The following DDX4 variants were observed in gnomAD, a reference collection of about 807,000 sequenced individuals.
DDX4 encodes the protein DEAD-box helicase 4, also known as probable ATP-dependent RNA helicase DDX4.
DDX4 carries 25 observed loss-of-function variants against 100.0 expected under a neutral mutation model. The observed-to-expected ratio is 0.25, with a 90% CI of 0.18 to 0.35. The LOEUF (loss-of-function observed/expected upper bound fraction) is 0.35, where lower values mean the gene tolerates loss of function less well. DDX4 is among the 10% of genes least tolerant of loss of function. DDX4 has a pLI of 1.00. For synonymous variants in DDX4, 259 were observed against 275.7 expected, an observed-to-expected ratio of 0.94 and a Z score of 0.60; for missense variants, 635 against 882.4, an observed-to-expected ratio of 0.72 and a Z score of 3.55.
At chr5:55,740,912 T>G (rs1447891875) in intron 2 of DDX4, among the ~76,000 whole-genome samples, 1 of 152,252 alleles carries the variant, frequency 6.6e-6, no homozygotes, top group Non-Finnish European at 1.5e-5. Context: ...TGGTGTTAGC[T>G]TCTCACTGTG....
rs745321927 is a variant in DDX4, at chr5:55,746,232, TG to T, written c.127+14del. 1 of 1,605,742 alleles carries T rather than the reference TG, an allele frequency of 6.2e-7. No homozygotes were observed. Among genetic ancestry groups the T allele is most frequent in the South Asian group, 1.1e-5 (1 of 88,748 alleles). On this transcript the variant is annotated intron_variant, in intron 3 of 21. Transcript: ENST00000505374. ...CAGCTTCATCATCAGGTATGTGTTATGGGAAAAAGGTAAAACCCTTTTTAGT... is the reference window on the plus strand; with the variant it reads ...CAGCTTCATCATCAGGTATGTGTTATGGAAAAAGGTAAAACCCTTTTTAGT...
At chr5:55,807,531 G>C (rs189905726) in intron 18 of DDX4, among the ~76,000 whole-genome samples, 2 of 152,212 alleles carry the variant, frequency 1.3e-5, no homozygotes, top group South Asian at 2.1e-4. Flanking sequence ...GTGACAAAAT[G>C]TCTCAGCATT....
At chr5:55,794,551 T>G (rs1398524497) in intron 17 of DDX4, among the ~76,000 whole-genome samples, 2 of 152,118 alleles carry the variant, frequency 1.3e-5, no homozygotes, top group Non-Finnish European at 2.9e-5. Context: ...CACCATTTGC[T>G]TTGGTAACTA....
At chr5:55,810,422 T>A (rs193166056) in intron 18 of DDX4, among the ~76,000 whole-genome samples, 78 of 152,286 alleles carry the variant, frequency 5.1e-4, no homozygotes, top group African/African-American at 7.7e-4. Flanking sequence ...GGATTTTTTT[T>A]AATTAACTTT....
intron 3 of DDX4, among the ~76,000 whole-genome samples, chr5:55,748,714 A>C (rs998029647): frequency 2.0e-5 from 3 of 152,140 alleles, no homozygotes; most frequent in Admixed American, 6.5e-5. Flanking sequence ...CCAATACCTA[A>C]ATATGCTTAT....
chr5:55,765,158 T>G (rs546454936), intron 6 of DDX4, among the ~76,000 whole-genome samples: 57 of 152,124 alleles, frequency 3.7e-4, no homozygotes, highest in Admixed American at 2.7e-3. Flanking sequence ...ATCATTTTTA[T>G]TCTTTTCCAT....
intron 13 of DDX4, 75 bp from the exon 14 acceptor site, chr5:55,786,443 T>G: frequency 8.3e-7 from 1 of 1,203,268 alleles, no homozygotes; most frequent in South Asian, 1.6e-5. Context: ...GGAAAGTAGC[T>G]CGAATGAAAT....
chr5:55,787,628 G>A (rs1742323138), intron 14 of DDX4, among the ~76,000 whole-genome samples: 2 of 152,076 alleles, frequency 1.3e-5, no homozygotes, highest in African/African-American at 2.4e-5. Context: ...AACTTTGATA[G>A]GTTAGATTAA....
intron 6 of DDX4, among the ~76,000 whole-genome samples, chr5:55,765,545 TC>T (rs1202791724): frequency 6.6e-6 from 1 of 151,456 alleles, no homozygotes; most frequent in Non-Finnish European, 1.5e-5. Context: ...TAAATTTTTT[TC>T]CCCTGTCATC....
chr5:55,761,491 A>C (rs983396210), intron 4 of DDX4, among the ~76,000 whole-genome samples: 2 of 151,972 alleles, frequency 1.3e-5, no homozygotes, highest in African/African-American at 4.8e-5. Context: ...TTCCGATCAG[A>C]ACTCTCAGTT....
rs953788454 is a variant in DDX4 at position 55,765,009 on chromosome 5, G to A, written c.334+945G>A. Reference sequence around the variant, plus strand: ...CTTAAAACACTTTTGGTATAAGGCCGGATTTTAATTATCAAATGAGACTGT... The same window carrying A: ...CTTAAAACACTTTTGGTATAAGGCCAGATTTTAATTATCAAATGAGACTGT... On this transcript the variant is annotated intron_variant, in intron 6 of 21. Transcript: ENST00000505374. Among the ~76,000 whole-genome samples, 3 of 152,008 alleles carry A rather than the reference G, an allele frequency of 2.0e-5. No individual in the cohort carries two copies. The South Asian group carries it at 6.2e-4, about 31-fold the overall frequency.
At chr5:55,775,510 A>AT (rs1741505515) in intron 7 of DDX4, among the ~76,000 whole-genome samples, 1 of 151,832 alleles carries the variant, frequency 6.6e-6, no homozygotes, top group East Asian at 1.9e-4. Context: ...GTTCTTGCCC[A>AT]TTTTTTTCCT....
At chr5:55,754,263 G>C (rs201596689) in intron 3 of DDX4, among the ~76,000 whole-genome samples, 1 of 149,728 alleles carries the variant, frequency 6.7e-6, no homozygotes, top group East Asian at 1.9e-4. Context: ...TTTTCAAAGG[G>C]AATGCTTCCA....
At chr5:55,743,141 G>A (rs1759073521) in intron 2 of DDX4, among the ~76,000 whole-genome samples, 1 of 152,216 alleles carries the variant, frequency 6.6e-6, no homozygotes. Context: ...CTGGAAGCCT[G>A]AAGTTAAAAA....
At chr5:55,808,696 A>T (rs1489953492) in intron 18 of DDX4, among the ~76,000 whole-genome samples, 1 of 152,218 alleles carries the variant, frequency 6.6e-6, no homozygotes, top group Non-Finnish European at 1.5e-5. Context: ...TCAGAGGAGT[A>T]CCTGGCTGTG....
At chr5:55,744,703 C>G (rs1759163244) in intron 2 of DDX4, among the ~76,000 whole-genome samples, 1 of 152,140 alleles carries the variant, frequency 6.6e-6, no homozygotes, top group African/African-American at 2.4e-5. Context: ...TATTTGGGAG[C>G]AAAGACAGTC....
chr5:55,808,436 A>C (rs1165627213), intron 18 of DDX4, among the ~76,000 whole-genome samples: 3 of 151,662 alleles, frequency 2.0e-5, no homozygotes, highest in East Asian at 3.9e-4. Context: ...TTTTTTCCCC[A>C]TTTTTGTGGT....
intron 15 of DDX4, among the ~76,000 whole-genome samples, chr5:55,788,983 C>T (rs1244836395): frequency 6.6e-6 from 1 of 151,890 alleles, no homozygotes; most frequent in Admixed American, 6.6e-5. Context: ...ATTACCTGAG[C>T]CTGGGAGGTC....
intron 3 of DDX4, among the ~76,000 whole-genome samples, chr5:55,756,372 GA>G (rs1364120440): frequency 6.6e-6 from 1 of 152,152 alleles, no homozygotes; most frequent in Non-Finnish European, 1.5e-5. Flanking sequence ...CTATTTGGAA[GA>G]CTTGACACTG....
Sources: gnomAD v4.1 joint callset for allele counts (sites outside exome capture counted in the v4.1 genomes callset) on GRCh38, gnomAD v4.1.1 for gene constraint, MANE v1.5 for transcripts, NCBI Gene and HGNC (gene_info 2026-07-23, HGNC 2026-07-21) for gene names.